Variants in CCNB3 observed in about 807,000 individuals in gnomAD.
The protein encoded by CCNB3 is G2/mitotic-specific cyclin-B3.
A neutral mutation model predicts 68.0 loss-of-function variants in CCNB3; 12 were observed. That is an observed-to-expected ratio of 0.18 (90% CI 0.11 to 0.29). The LOEUF is 0.29. Ranked by LOEUF, CCNB3 falls within the 10% of genes least tolerant of loss-of-function variation. The pLI is 1.00. For synonymous variants in CCNB3, 354 were observed against 388.9 expected (o/e 0.91, Z 1.06); for missense variants, 904 against 993.1 (o/e 0.91, Z 1.21).
At chrX:50,203,667 T>C (rs1438739141), upstream of CCNB3, among the ~76,000 whole-genome samples, 1 of 112,148 alleles carries the variant, frequency 8.9e-6, no homozygotes, top group South Asian at 3.7e-4. Flanking sequence ...ATTGTACATA[T>C]TTTTTCTTTC....
In CCNB3 at chrX:50,310,037, C is replaced by T; in HGVS notation, c.1868C>T (p.Pro623Leu). The stretch of plus-strand genomic sequence containing the variant: ...GAGTCATTCTATAAGAAGCTGTTGC[C>T]CTTTAAGATGAAATCTACAACGGAA... ...EEESFYKKLLPFKMKSTTEEK... is the reference protein window; with the variant it reads ...EEESFYKKLLLFKMKSTTEEK... Residue 623 changes from proline to leucine, a missense_variant, in exon 6 of 13, where the codon CCC (proline) becomes CTC (leucine). Physicochemically the swap from Pro to Leu is moderately conservative, Grantham distance 98 (BLOSUM62 -3). Coordinates refer to ENST00000376042, the MANE Select transcript of CCNB3 (RefSeq NM_033031.3). 3 of 1,209,027 alleles carry T rather than the reference C, an allele frequency of 2.5e-6. No homozygotes were observed. The South Asian group carries it at 5.3e-5, about 21-fold the overall frequency.
At chrX:50,334,100 G>T (rs1922732935) in intron 8 of CCNB3, among the ~76,000 whole-genome samples, 1 of 112,466 alleles carries the variant, frequency 8.9e-6, no homozygotes, top group Non-Finnish European at 1.9e-5. Context: ...GAAGTGCCCT[G>T]TGGCAATGGT....
intron 1 of CCNB3, among the ~76,000 whole-genome samples, chrX:50,206,176 G>A (rs1935358590): frequency 9.0e-6 from 1 of 110,638 alleles, no homozygotes; most frequent in Middle Eastern, 4.6e-3. Context: ...CCGGGAGACA[G>A]AGGTTGCAGT....
intron 1 of CCNB3, among the ~76,000 whole-genome samples, chrX:50,224,797 G>A (rs1292321983): frequency 2.7e-5 from 3 of 111,434 alleles, no homozygotes; most frequent in Non-Finnish European, 5.7e-5. Context: ...TGGAGTGGTG[G>A]TTATGTTTGT....
Position 50,227,914 on chromosome X carries a change from T to C in CCNB3, c.-113+22964T>C, listed in dbSNP as rs1935934777. Among the ~76,000 whole-genome samples the C allele has an allele frequency of 3.6e-5, 3 of 82,659 alleles. 1 individual carries two copies. The South Asian group carries it at 1.7e-3, about 46-fold the overall frequency. 71.8% of individuals were successfully genotyped at this position (82,659 alleles called of 115,157 possible). On this transcript the variant is annotated intron_variant, in intron 1 of 12. Transcript: ENST00000376042. ...TATATAAATATATAGAGAGAATATA[T>C]ATAAATGTATAGACAGAATATATAT...
At chrX:50,286,942 C>T (rs1020084515) in intron 3 of CCNB3, among the ~76,000 whole-genome samples, 1 of 112,531 alleles carries the variant, frequency 8.9e-6, no homozygotes, top group Non-Finnish European at 1.9e-5. Context: ...GCCGCCGCGT[C>T]GGGCTCCAGC....
chrX:50,337,868 C>A (rs1922930963), intron 8 of CCNB3, among the ~76,000 whole-genome samples: 1 of 111,855 alleles, frequency 8.9e-6, no homozygotes, highest in Non-Finnish European at 1.9e-5. Context: ...GAAACAAAAC[C>A]AAAGTATCAA....
chrX:50,313,832 A>C (rs1316312536), intron 7 of CCNB3, 24 bp from the exon 8 acceptor site: 1 of 1,084,316 alleles, frequency 9.2e-7, no homozygotes, highest in Non-Finnish European at 1.3e-6. Context: ...TTATTTATTA[A>C]CATTTCTTTC....
intron 8 of CCNB3, among the ~76,000 whole-genome samples, chrX:50,319,444 G>T (rs1381974429): frequency 1.8e-5 from 2 of 111,542 alleles, no homozygotes; most frequent in Admixed American, 1.9e-4. Flanking sequence ...ATGAAATATG[G>T]TTGATAGTTG....
chrX:50,303,587 G>A (rs1309862600), intron 5 of CCNB3, among the ~76,000 whole-genome samples: 2 of 110,546 alleles, frequency 1.8e-5, no homozygotes, highest in Non-Finnish European at 3.8e-5. Flanking sequence ...CTTCTTTGGA[G>A]GAATGTCTGT....
chrX:50,228,269 AATAC>A (rs1341528219), intron 1 of CCNB3, among the ~76,000 whole-genome samples: 1 of 93,522 alleles, frequency 1.1e-5, no homozygotes. Flanking sequence ...AATATATATA[AATAC>A]ATATGTAGAA....
At chrX:50,285,003 T>G in intron 2 of CCNB3, 124 bp from the exon 3 acceptor site, 1 of 441,914 alleles carries the variant, frequency 2.3e-6, no homozygotes, top group Non-Finnish European at 4.0e-6. Context: ...AATCCAGATC[T>G]TCCCAACATC....
At chrX:50,287,713 A>G (rs1254294978) in intron 3 of CCNB3, among the ~76,000 whole-genome samples, 1 of 111,063 alleles carries the variant, frequency 9.0e-6, no homozygotes, top group Non-Finnish European at 1.9e-5. Context: ...GCCATGGAGC[A>G]GTATCTAGAT....
chrX:50,325,110 T>G (rs192572060), intron 8 of CCNB3, among the ~76,000 whole-genome samples: 2 of 111,386 alleles, frequency 1.8e-5, no homozygotes, highest in East Asian at 5.6e-4. Flanking sequence ...CAATTTTGGC[T>G]TAATAATTAT....
intron 8 of CCNB3, among the ~76,000 whole-genome samples, chrX:50,326,432 T>C (rs1922299493): frequency 8.9e-6 from 1 of 111,962 alleles, no homozygotes; most frequent in Admixed American, 9.5e-5. Flanking sequence ...TATCTTTTAT[T>C]TTTTGACATT....
chrX:50,212,600 C>T (rs1935500274), intron 1 of CCNB3, among the ~76,000 whole-genome samples: 1 of 110,989 alleles, frequency 9.0e-6, no homozygotes, highest in Non-Finnish European at 1.9e-5. Context: ...ACAACCATCA[C>T]CATGATCAAT....
chrX:50,228,599 T>TATATATAGA (rs1241199307), intron 1 of CCNB3, among the ~76,000 whole-genome samples: 1 of 85,074 alleles, frequency 1.2e-5, no homozygotes, highest in Non-Finnish European at 2.2e-5. Flanking sequence ...ATATAGATAA[T>TATATATAGA]ATATATAGAA....
intron 1 of CCNB3, among the ~76,000 whole-genome samples, chrX:50,227,200 AATAT>A (rs1438778789): frequency 2.4e-5 from 2 of 81,921 alleles, no homozygotes; most frequent in East Asian, 3.7e-4. Context: ...ATATATAGAG[AATAT>A]ATATAAATAT....
At chrX:50,291,434 G>A (rs1266077378) in intron 4 of CCNB3, among the ~76,000 whole-genome samples, 4 of 111,277 alleles carry the variant, frequency 3.6e-5, no homozygotes, top group Non-Finnish European at 1.9e-5. Flanking sequence ...GCTAATTTAT[G>A]TATTCTTTTT....
Sources: allele counts gnomAD v4.1 joint callset (sites outside exome capture counted in the v4.1 genomes callset), GRCh38; gene constraint gnomAD v4.1.1; transcripts MANE v1.5; gene names NCBI Gene and HGNC (gene_info 2026-07-23, HGNC 2026-07-21).